DNAJC12: variants seen among roughly 807,000 people sequenced by gnomAD.
The protein encoded by DNAJC12 is DnaJ heat shock protein family (Hsp40) member C12.
Under a neutral mutation model 28.5 loss-of-function variants are expected in DNAJC12, and 25 were observed. The observed-to-expected ratio is 0.88, with a 90% CI of 0.64 to 1.22. The LOEUF (loss-of-function observed/expected upper bound fraction) is 1.22. Ranked by LOEUF, DNAJC12 falls within the 50% of genes most tolerant of loss-of-function variation. The probability of loss-of-function intolerance (pLI) is 0.00; values close to 1 mark genes in which losing one functional copy is unlikely to be tolerated. For missense variants in DNAJC12, 222 were observed against 231.7 expected (o/e 0.96, Z 0.27); for synonymous variants, 77 against 80.6 (o/e 0.95, Z 0.24).
intron 3 of DNAJC12, among the ~76,000 whole-genome samples, chr10:67,807,884 T>A (rs1208405755): frequency 6.6e-6 from 1 of 152,180 alleles, no homozygotes; most frequent in Admixed American, 6.5e-5. Context: ...TGTGAGTAAA[T>A]CAGAATAAAA....
At chr10:67,806,625 A>G (rs1443776578) in intron 3 of DNAJC12, among the ~76,000 whole-genome samples, 1 of 152,092 alleles carries the variant, frequency 6.6e-6, no homozygotes. Context: ...GGAGTTCGAG[A>G]CCATCCTTGG....
At chr10:67,801,597 C>T (rs968985713) in intron 4 of DNAJC12, among the ~76,000 whole-genome samples, 1 of 151,896 alleles carries the variant, frequency 6.6e-6, no homozygotes, top group Non-Finnish European at 1.5e-5. Context: ...CTAAACCAGC[C>T]TGGGCAACAT....
intron 1 of DNAJC12, among the ~76,000 whole-genome samples, chr10:67,835,412 C>T: frequency 6.6e-6 from 1 of 151,958 alleles, no homozygotes; most frequent in East Asian, 1.9e-4. Context: ...AAGAGAAAAG[C>T]CAGGTGCGGT....
intron 1 of DNAJC12, chr10:67,825,705 C>T (rs1842023216): frequency 4.2e-4 from 1 of 2,372 alleles, no homozygotes; most frequent in African/African-American, 4.5e-4. Context: ...AATGTCTTCA[C>T]TTTTACAATC....
At chr10:67,807,863 T>C (rs557860246) in intron 3 of DNAJC12, among the ~76,000 whole-genome samples, 5 of 152,234 alleles carry the variant, frequency 3.3e-5, no homozygotes, top group Non-Finnish European at 7.3e-5. Flanking sequence ...AGTAGTCTTA[T>C]CCATCTCCTT....
chr10:67,797,769 A>T (rs192052273), intron 4 of DNAJC12, among the ~76,000 whole-genome samples: 1 of 152,206 alleles, frequency 6.6e-6, no homozygotes, highest in Non-Finnish European at 1.5e-5. Context: ...TGCCAGGCGC[A>T]GTGGCTCACG....
chr10:67,819,752 A>G (rs540410492), intron 2 of DNAJC12, among the ~76,000 whole-genome samples: 4,369 of 25,110 alleles, frequency 0.17, 395 homozygotes, highest in Non-Finnish European at 0.2. Flanking sequence ...GGAAGGAAGG[A>G]AGGAAGGAAG....
At chr10:67,832,221 C>T (rs902541869) in intron 1 of DNAJC12, among the ~76,000 whole-genome samples, 12 of 147,494 alleles carry the variant, frequency 8.1e-5, no homozygotes, top group Admixed American at 6.9e-4. Context: ...GCCCAGATTG[C>T]GTCATTGCAC....
At chr10:67,800,221 CAAAAAAAAA>C (rs56039954) in intron 4 of DNAJC12, among the ~76,000 whole-genome samples, 24 of 84,624 alleles carry the variant, frequency 2.8e-4, no homozygotes, top group African/African-American at 9.4e-4. Flanking sequence ...GACTCTATCT[CAAAAAAAAA>C]AAAAAAAAAA....
intron 2 of DNAJC12, among the ~76,000 whole-genome samples, chr10:67,820,332 C>T (rs1841969724): frequency 6.6e-6 from 1 of 152,192 alleles, no homozygotes; most frequent in Non-Finnish European, 1.5e-5. Context: ...CAGTATAACA[C>T]AGACATAATG....
intron 2 of DNAJC12, among the ~76,000 whole-genome samples, chr10:67,817,600 G>A (rs183422353): frequency 2.6e-5 from 4 of 152,212 alleles, no homozygotes; most frequent in Admixed American, 1.3e-4. Context: ...TTTGAGGCTG[G>A]GTGCAGTAGC....
intron 4 of DNAJC12, among the ~76,000 whole-genome samples, chr10:67,799,252 T>C (rs574248514): frequency 2.0e-4 from 30 of 152,286 alleles, no homozygotes; most frequent in African/African-American, 2.4e-4. Flanking sequence ...AGAAAAAGCA[T>C]ATACAGAATA....
intron 2 of DNAJC12, among the ~76,000 whole-genome samples, chr10:67,815,508 C>CAAAAA (rs762037586): frequency 1.3e-3 from 87 of 64,720 alleles, no homozygotes; most frequent in Non-Finnish European, 2.2e-3. Flanking sequence ...TACTTCGTCT[C>CAAAAA]AAAAAAAAAA....
chr10:67,829,349 A>G (rs1213463981), intron 1 of DNAJC12, among the ~76,000 whole-genome samples: 1 of 152,188 alleles, frequency 6.6e-6, no homozygotes, highest in African/African-American at 2.4e-5. Context: ...TATTCAAAAT[A>G]AACCTGTCAG....
intron 1 of DNAJC12, chr10:67,827,750 C>A (rs2131812350): frequency 6.6e-6 from 1 of 151,932 alleles, no homozygotes; most frequent in East Asian, 1.9e-4. Context: ...ATGGTTGATT[C>A]TCAGTTTGTT....
chr10:67,805,722 G>A lies in DNAJC12; in HGVS notation c.363C>T (p.Thr121=), dbSNP rs142482636. The change falls in exon 4 of 5, where the codon ACC becomes ACT. Residue 121 remains threonine, a synonymous_variant. Coordinates refer to ENST00000225171, the MANE Select transcript of DNAJC12 (RefSeq NM_021800.3). ...LMLEESDKTH[T]TKMENEECNE... Reference sequence around the variant, plus strand: ...TACATTCCTCATTTTCCATCTTGGTGGTATGAGTCTTGTCAGATTCTTCCA... The same window carrying A: ...TACATTCCTCATTTTCCATCTTGGTAGTATGAGTCTTGTCAGATTCTTCCA... 7 of 1,611,966 alleles carry A rather than the reference G, an allele frequency of 4.3e-6. No individual in the cohort carries two copies. In the African/African-American group the frequency reaches 8.0e-5, roughly 19 times the overall value.
At chr10:67,818,003 G>C (rs891351220) in intron 2 of DNAJC12, among the ~76,000 whole-genome samples, 5 of 152,194 alleles carry the variant, frequency 3.3e-5, no homozygotes, top group Admixed American at 6.5e-5. Context: ...AGGAGTTTGA[G>C]ACCAGCCTGG....
chr10:67,798,117 T>C (rs1443165767), intron 4 of DNAJC12, among the ~76,000 whole-genome samples: 2 of 151,726 alleles, frequency 1.3e-5, no homozygotes, highest in African/African-American at 2.4e-5. Flanking sequence ...GAAATAATAA[T>C]GGATGCACCC....
Position 67,823,349 on chromosome 10 carries a change from C to T in DNAJC12, c.122G>A (p.Cys41Tyr), listed in dbSNP as rs1841998816. The T allele has an allele frequency of 5.6e-6, 9 of 1,614,054 alleles. No individual in the cohort carries two copies. Among genetic ancestry groups the T allele is most frequent in the East Asian group, 4.5e-5 (2 of 44,868 alleles). The change falls in exon 2 of 5, where the codon TGT becomes TAT. Residue 41 changes from cysteine to tyrosine, a missense_variant. Transcript: ENST00000225171. Reference sequence around the variant, plus strand: ...GTTTTCAGGATGCTTGTCTGGGTGACATTCCAGAGCTCTGACTTTAAATTC... The same window carrying T: ...GTTTTCAGGATGCTTGTCTGGGTGATATTCCAGAGCTCTGACTTTAAATTC... ...LAEFKVRALE[C>Y]HPDKHPENPK...
Sources: gnomAD v4.1 joint callset for allele counts (sites outside exome capture counted in the v4.1 genomes callset) on GRCh38, gnomAD v4.1.1 for gene constraint, MANE v1.5 for transcripts, NCBI Gene and HGNC (gene_info 2026-07-23, HGNC 2026-07-21) for gene names.